Variants in SIPA1L2 observed in about 807,000 individuals in gnomAD.
SIPA1L2 encodes the protein signal-induced proliferation-associated 1-like protein 2.
A neutral mutation model predicts 163.9 loss-of-function variants in SIPA1L2; 56 were observed. The observed-to-expected ratio is 0.34, with a 90% CI of 0.28 to 0.43. SIPA1L2 has a LOEUF of 0.43. Ranked by LOEUF, SIPA1L2 falls within the 20% of genes least tolerant of loss-of-function variation. The pLI is 1.00. For missense variants in SIPA1L2, 1,974 were observed against 2,193.5 expected, an observed-to-expected ratio of 0.90 and a Z score of 2.00; for synonymous variants, 877 against 865.7, an observed-to-expected ratio of 1.01 and a Z score of -0.23.
intron 8 of SIPA1L2, among the ~76,000 whole-genome samples, chr1:232,467,176 C>T (rs1166366928): frequency 6.6e-6 from 1 of 152,188 alleles, no homozygotes; most frequent in African/African-American, 2.4e-5. Context: ...AGCGGCAAGA[C>T]AGACAGGTGG....
At chr1:232,452,737 T>C (rs1663660514) in intron 10 of SIPA1L2, among the ~76,000 whole-genome samples, 1 of 152,180 alleles carries the variant, frequency 6.6e-6, no homozygotes, top group Non-Finnish European at 1.5e-5. Context: ...GAACCCTAGA[T>C]ACCAAACTAT....
intron 17 of SIPA1L2, among the ~76,000 whole-genome samples, chr1:232,426,231 C>T (rs1190220012): frequency 1.3e-5 from 2 of 152,118 alleles, no homozygotes; most frequent in African/African-American, 4.8e-5. Flanking sequence ...AATTTCTCTA[C>T]CAATCAACTA....
At chr1:232,452,484 C>A (rs766669993) in intron 10 of SIPA1L2, among the ~76,000 whole-genome samples, 4 of 152,298 alleles carry the variant, frequency 2.6e-5, no homozygotes, top group South Asian at 2.1e-4. Flanking sequence ...CAGAGGCACC[C>A]AGGAAGGCCC....
chr1:232,415,458 G>A (rs1237644106), intron 19 of SIPA1L2, 36 bp downstream of exon 19: 1 of 1,577,552 alleles, frequency 6.3e-7, no homozygotes, highest in South Asian at 1.2e-5. Flanking sequence ...GCACTCCCAG[G>A]GTAAGGGGTG....
At chr1:232,517,912 C>T (rs1667284615) in intron 2 of SIPA1L2, among the ~76,000 whole-genome samples, 3 of 151,730 alleles carry the variant, frequency 2.0e-5, no homozygotes, top group South Asian at 2.1e-4. Flanking sequence ...CCCGGCGTGG[C>T]GGTACACACC....
intron 2 of SIPA1L2, among the ~76,000 whole-genome samples, chr1:232,534,740 C>G (rs999940669): frequency 6.6e-6 from 1 of 152,170 alleles, no homozygotes; most frequent in African/African-American, 2.4e-5. Context: ...GTCTTGCTGA[C>G]TCTAGCAAGG....
Position 232,514,566 on chromosome 1 carries a change from G to C in SIPA1L2, c.774C>G (p.Ile258Met). Residue 258 changes from isoleucine to methionine, a missense_variant, in exon 3 of 23, where the codon ATC becomes ATG. By Grantham distance (10) the Ile-to-Met change is conservative. Coordinates refer to ENST00000674635, the MANE Select transcript of SIPA1L2 (RefSeq NM_020808.5). ...CACTGTCCACATAATCTAATCCTGA[G>C]ATGCGGACAAATTCTCCCCTAGAAA... ...AQISRGEFVRISGLDYVDSAL... is the reference protein window; with the variant it reads ...AQISRGEFVRMSGLDYVDSAL... 6.2e-7 allele frequency: 1 copy of C among 1,614,160 alleles called. No individual in the cohort carries two copies. Among genetic ancestry groups the C allele is most frequent in the South Asian group, 1.1e-5 (1 of 91,084 alleles).
intron 15 of SIPA1L2, among the ~76,000 whole-genome samples, chr1:232,434,603 T>C (rs1343165832): frequency 6.6e-6 from 1 of 152,126 alleles, no homozygotes; most frequent in Non-Finnish European, 1.5e-5. Context: ...CAGGCATGAA[T>C]AATAGGAGCT....
chr1:232,482,224 T>C (rs1034423075), intron 6 of SIPA1L2, among the ~76,000 whole-genome samples: 2 of 152,210 alleles, frequency 1.3e-5, no homozygotes, highest in Non-Finnish European at 2.9e-5. Flanking sequence ...GAATTCTACA[T>C]GTAGGAAAAT....
chr1:232,526,382 A>AT (rs1158979263), intron 2 of SIPA1L2, among the ~76,000 whole-genome samples: 2 of 83,594 alleles, frequency 2.4e-5, no homozygotes, highest in South Asian at 3.9e-4. Flanking sequence ...GTGGAAGACA[A>AT]TTTTTTCACA....
At chr1:232,626,230 C>CTT (rs56703620) in intron 1 of SIPA1L2, among the ~76,000 whole-genome samples, 46,562 of 133,482 alleles carry the variant, frequency 0.35, 8,484 homozygotes, top group East Asian at 0.54. Flanking sequence ...CTAATATTTG[C>CTT]TTTTTTTTTT....
rs370404210 is a variant in SIPA1L2, at chr1:232,508,274, A to G, written c.1483+5583T>C. 2.9e-4 allele frequency among the ~76,000 whole-genome samples: 44 copies of G among 152,230 alleles called. No homozygotes were observed. In the South Asian group the frequency reaches 8.7e-3, roughly 30 times the overall value. Reference sequence around the variant, plus strand: ...CTGGTTTTAACCTCTCTTTACCCAAATATTACTCACTTTGCCTCCTAGAAC... The same window carrying G: ...CTGGTTTTAACCTCTCTTTACCCAAGTATTACTCACTTTGCCTCCTAGAAC... On this transcript the variant is annotated intron_variant, in intron 3 of 22. Coordinates refer to ENST00000674635, the MANE Select transcript of SIPA1L2 (RefSeq NM_020808.5).
At chr1:232,428,842 C>T (rs1481017078) in intron 16 of SIPA1L2, among the ~76,000 whole-genome samples, 1 of 152,126 alleles carries the variant, frequency 6.6e-6, no homozygotes, top group Non-Finnish European at 1.5e-5. Context: ...TTTTAAAATA[C>T]GGCTGTGTTT....
intron 3 of SIPA1L2, among the ~76,000 whole-genome samples, chr1:232,509,172 G>C (rs1196758393): frequency 6.6e-6 from 1 of 152,242 alleles, no homozygotes; most frequent in Non-Finnish European, 1.5e-5. Context: ...AGTTTCCTGT[G>C]TCCTGCCACT....
chr1:232,593,951 G>A (rs745924745), intron 1 of SIPA1L2, among the ~76,000 whole-genome samples: 2 of 152,224 alleles, frequency 1.3e-5, no homozygotes, highest in African/African-American at 2.4e-5. Context: ...GGCAAGCTCA[G>A]GCCCCTCAGT....
At chr1:232,433,177 C>T (rs565872073) in intron 15 of SIPA1L2, among the ~76,000 whole-genome samples, 14 of 152,216 alleles carry the variant, frequency 9.2e-5, no homozygotes, top group African/African-American at 2.9e-4. Context: ...GAAGGATATT[C>T]GATTAATAAC....
chr1:232,577,207 C>A (rs1174167231), intron 1 of SIPA1L2, among the ~76,000 whole-genome samples: 1 of 152,136 alleles, frequency 6.6e-6, no homozygotes, highest in African/African-American at 2.4e-5. Flanking sequence ...CTACTCTGCC[C>A]GTGCTCTATC....
intron 1 of SIPA1L2, among the ~76,000 whole-genome samples, chr1:232,601,240 A>G (rs570534185): frequency 1.5e-4 from 23 of 152,272 alleles, no homozygotes; most frequent in African/African-American, 5.5e-4. Flanking sequence ...CAAAAAGCCT[A>G]TGTGCCCAGT....
intron 19 of SIPA1L2, among the ~76,000 whole-genome samples, chr1:232,407,837 G>A (rs918833221): frequency 7.2e-5 from 11 of 152,270 alleles, no homozygotes; most frequent in African/African-American, 2.6e-4. Context: ...CACACCAACT[G>A]CCTCTTTCTG....
Sources: gnomAD v4.1 joint callset for allele counts (sites outside exome capture counted in the v4.1 genomes callset) on GRCh38, gnomAD v4.1.1 for gene constraint, MANE v1.5 for transcripts, NCBI Gene and HGNC (gene_info 2026-07-23, HGNC 2026-07-21) for gene names.